The following CUX1 variants were observed in gnomAD, a reference collection of about 807,000 sequenced individuals.
The protein encoded by CUX1 is protein CASP.
In CUX1, 31 loss-of-function variants were observed where a neutral mutation model predicts 158.8. That is an observed-to-expected ratio of 0.20 (90% CI 0.15 to 0.26). The LOEUF (loss-of-function observed/expected upper bound fraction) is 0.26. Ranked by LOEUF, CUX1 falls within the 10% of genes least tolerant of loss-of-function variation. The probability of loss-of-function intolerance (pLI) is 1.00; values close to 1 mark genes in which losing one functional copy is unlikely to be tolerated. For missense variants in CUX1, 1,589 were observed against 2,014.6 expected (o/e 0.79, Z 4.04); for synonymous variants, 879 against 862.1 (o/e 1.02, Z -0.34).
chr7:102,216,570 ACACACACACTCTCC>A (rs1554524658), intron 20 of CUX1, among the ~76,000 whole-genome samples: 1 of 50,782 alleles, frequency 2.0e-5, no homozygotes, highest in Non-Finnish European at 4.0e-5. Flanking sequence ...ACACACTCCC[ACACACACACTCTCC>A]CACACACACA....
intron 1 of CUX1, among the ~76,000 whole-genome samples, chr7:101,910,334 A>G (rs2131846564): frequency 6.6e-6 from 1 of 152,158 alleles, no homozygotes; most frequent in African/African-American, 2.4e-5. Flanking sequence ...TTTTGTAGAG[A>G]TGGGGTTTTG....
chr7:102,198,692 G>A (rs1795062950), intron 15 of CUX1, 110 bp from the exon 16 acceptor site: 2 of 942,504 alleles, frequency 2.1e-6, no homozygotes, highest in Non-Finnish European at 3.4e-6. Flanking sequence ...AGGCAGCCCT[G>A]AGCCCTTTCT....
chr7:102,149,599 T>C (rs1835411253), intron 8 of CUX1, among the ~76,000 whole-genome samples: 1 of 152,204 alleles, frequency 6.6e-6, no homozygotes, highest in African/African-American at 2.4e-5. Context: ...CCTGTCTCAG[T>C]CTGAGCTGGG....
At chr7:102,168,908 C>CTTT (rs1563341626) in intron 9 of CUX1, among the ~76,000 whole-genome samples, 25 of 121,964 alleles carry the variant, frequency 2.0e-4, no homozygotes, top group African/African-American at 5.9e-4. Context: ...CTTTTCTTTT[C>CTTT]TTTTATTTTC....
At chr7:101,961,607 G>A (rs1192799509) in intron 2 of CUX1, 3 of 147,678 alleles carry the variant, frequency 2.0e-5, no homozygotes, top group East Asian at 4.0e-4. Context: ...TTGGCCAGGC[G>A]CGGTGGCTCA....
chr7:102,030,684 A>T (rs1214305511), intron 3 of CUX1, among the ~76,000 whole-genome samples: 1 of 35,778 alleles, frequency 2.8e-5, no homozygotes, highest in African/African-American at 1.3e-4. Flanking sequence ...TTTCTATTTT[A>T]AAAAGTGTTT....
intron 3 of CUX1, among the ~76,000 whole-genome samples, chr7:102,032,149 G>A (rs913521561): frequency 5.3e-5 from 8 of 151,606 alleles, no homozygotes; most frequent in African/African-American, 1.2e-4. Flanking sequence ...GGCTGGTCTT[G>A]AACTCCTGAG....
At chr7:102,149,967 CT>C in intron 8 of CUX1, among the ~76,000 whole-genome samples, 1 of 152,158 alleles carries the variant, frequency 6.6e-6, no homozygotes, top group East Asian at 1.9e-4. Flanking sequence ...AATGTCCCCC[CT>C]TAAGGACAGA....
intron 23 of CUX1, among the ~76,000 whole-genome samples, chr7:102,244,964 C>G (rs1781723503): frequency 6.6e-6 from 1 of 152,214 alleles, no homozygotes; most frequent in Non-Finnish European, 1.5e-5. Context: ...GATGATGTCT[C>G]ACATCTGTGG....
intron 2 of CUX1, among the ~76,000 whole-genome samples, chr7:101,955,138 G>A (rs1327732627): frequency 3.3e-5 from 5 of 151,234 alleles, no homozygotes; most frequent in African/African-American, 9.7e-5. Context: ...GCACTCCAGC[G>A]TGGGTGACAG....
intron 1 of CUX1, among the ~76,000 whole-genome samples, chr7:101,867,194 G>C (rs1221753211): frequency 2.6e-5 from 4 of 152,226 alleles, no homozygotes; most frequent in Admixed American, 2.6e-4. Context: ...TCCAGCCTGG[G>C]AGACAGAGCA....
At chr7:101,974,130 G>A (rs6465840) in intron 2 of CUX1, among the ~76,000 whole-genome samples, 2 of 151,016 alleles carry the variant, frequency 1.3e-5, no homozygotes, top group Non-Finnish European at 2.9e-5. Flanking sequence ...GAGTGCGGTG[G>A]CACAATCTCA....
chr7:102,049,706 CGG>C (rs1823255975), intron 3 of CUX1, among the ~76,000 whole-genome samples: 1 of 151,840 alleles, frequency 6.6e-6, no homozygotes, highest in Admixed American at 6.6e-5. Context: ...AAAAGAAAAA[CGG>C]AAACCCATGA....
chr7:102,128,838 C>T (rs782101362), intron 8 of CUX1, among the ~76,000 whole-genome samples: 4 of 151,844 alleles, frequency 2.6e-5, no homozygotes, highest in African/African-American at 4.8e-5. Context: ...ATTTGCTGGG[C>T]GTGGTGGCAT....
chr7:101,942,622 C>G (rs1244318473), intron 2 of CUX1, among the ~76,000 whole-genome samples: 1 of 152,182 alleles, frequency 6.6e-6, no homozygotes, highest in African/African-American at 2.4e-5. Flanking sequence ...GCCACCACAC[C>G]CGGTGAATCT....
At position 101,821,671 on chromosome 7, in the gene CUX1, C is replaced by CTTTTTTTTTTTTTT. The variant is rs58793343; in HGVS notation, c.30+4015_30+4028dup. Among the ~76,000 whole-genome samples the CTTTTTTTTTTTTTT allele has an allele frequency of 4.9e-3, 249 of 51,308 alleles. 9 individuals are homozygous for CTTTTTTTTTTTTTT. The highest frequency in any genetic ancestry group is 5.1e-3 in the Admixed American group (15 of 2,946). The allele number at this position is 51,308 out of a possible 152,430, so 33.7% of individuals were successfully genotyped here. On this transcript the variant is annotated intron_variant, in intron 1 of 23. Coordinates refer to ENST00000292535, the MANE Select transcript of CUX1 (RefSeq NM_181552.4). ...CTTTTCTTTTCTTTTTTTCTTTTTT[C>CTTTTTTTTTTTTTT]TTTTTTTTTTTTTTTTTTTTTTTTT...
At chr7:101,934,522 T>G (rs1806689000) in intron 2 of CUX1, among the ~76,000 whole-genome samples, 1 of 152,192 alleles carries the variant, frequency 6.6e-6, no homozygotes, top group Non-Finnish European at 1.5e-5. Context: ...TGTTCAGGGT[T>G]TCACGAATCT....
intron 2 of CUX1, among the ~76,000 whole-genome samples, chr7:101,952,045 A>G (rs1212479528): frequency 6.6e-6 from 1 of 152,202 alleles, no homozygotes; most frequent in Non-Finnish European, 1.5e-5. Context: ...AGTGGCTGTC[A>G]AGGTGTGGCC....
intron 2 of CUX1, among the ~76,000 whole-genome samples, chr7:101,972,863 G>A (rs1203474918): frequency 6.6e-6 from 1 of 152,212 alleles, no homozygotes; most frequent in Admixed American, 6.5e-5. Context: ...GGCATTCAAA[G>A]TTGCACCCTG....
Sources: gnomAD v4.1 joint callset for allele counts (sites outside exome capture counted in the v4.1 genomes callset) on GRCh38, gnomAD v4.1.1 for gene constraint, MANE v1.5 for transcripts, NCBI Gene and HGNC (gene_info 2026-07-23, HGNC 2026-07-21) for gene names.